ALDH5A1: variants seen among roughly 807,000 people sequenced by gnomAD.
ALDH5A1 encodes the protein succinate-semialdehyde dehydrogenase, mitochondrial.
In ALDH5A1, 33 loss-of-function variants were observed where a neutral mutation model predicts 54.7. The ratio of observed to expected loss-of-function variants is 0.60; its 90% CI spans 0.46 to 0.81. The LOEUF (loss-of-function observed/expected upper bound fraction) is 0.81, where lower values mean the gene tolerates loss of function less well. ALDH5A1 is among the 30% of genes least tolerant of loss of function. The pLI, the probability that ALDH5A1 is intolerant of heterozygous loss-of-function variation, is 0.00. For missense variants in ALDH5A1, 657 were observed against 711.0 expected (o/e 0.92, Z 0.86); for synonymous variants, 294 against 292.7 (o/e 1.00, Z -0.05).
Position 24,503,429 on chromosome 6 carries a change from C to G in ALDH5A1, c.605C>G (p.Thr202Ser). 3.1e-6 allele frequency: 5 copies of G among 1,612,184 alleles called. No individual in the cohort carries two copies. Among genetic ancestry groups the G allele is most frequent in the Non-Finnish European group, 3.4e-6 (4 of 1,179,890 alleles). ...CCCATAGGCGTGGCTGCAGTCATCA[C>G]CCCGGTAGGTGACAGGATCAGCAAG... The part of the protein sequence containing the change: ...KQPIGVAAVI[T>S]PWNFPSAMIT... Residue 202 changes from threonine to serine, a missense_variant, in exon 3 of 10, where the codon ACC (threonine) becomes AGC (serine). By Grantham distance (58) the Thr-to-Ser change is moderately conservative. Transcript: ENST00000357578.
In ALDH5A1 at chr6:24,508,196, C is replaced by T. The variant is rs1219527425; in HGVS notation, c.726+3211C>T. Among the ~76,000 whole-genome samples the T allele has an allele frequency of 1.3e-5, 2 of 151,632 alleles. 1 individual carries two copies. The highest frequency in any genetic ancestry group is 1.3e-4 in the Admixed American group (2 of 15,210). ...TGGCCAACATAGTGAAACCCCGTCT[C>T]TACTAAAAATACAAAAATTAGCTGG... On this transcript the variant is annotated intron_variant, in intron 4 of 9. Coordinates refer to ENST00000357578, the MANE Select transcript of ALDH5A1 (RefSeq NM_001080.3).
chr6:24,509,219 A>G lies in ALDH5A1; in HGVS notation c.726+4234A>G, dbSNP rs1017214667. On this transcript the variant is annotated intron_variant, in intron 4 of 9. Coordinates refer to ENST00000357578, the MANE Select transcript of ALDH5A1 (RefSeq NM_001080.3). The surrounding 1 kb of genome is among the most constrained non-coding windows in gnomAD (Gnocchi z 4.7). ...GCCAATGGCTAGAAGGGTTTTTCCA[A>G]TGTTATCTTCTAGAATTTTTATAGT... Among the ~76,000 whole-genome samples the G allele has an allele frequency of 6.6e-6, 1 of 152,158 alleles. No individual in the cohort carries two copies. The highest frequency in any genetic ancestry group is 2.4e-5 in the African/African-American group (1 of 41,430).
At chr6:24,523,323 TTAA>T (rs1210257935) in intron 7 of ALDH5A1, among the ~76,000 whole-genome samples, 2 of 149,388 alleles carry the variant, frequency 1.3e-5, no homozygotes, top group African/African-American at 4.9e-5. Context: ...AAGTAAAAAA[TTAA>T]TAATAGCTAA....
intron 8 of ALDH5A1, 96 bp from the exon 9 acceptor site, chr6:24,532,023 C>G (rs1759946162): frequency 4.4e-6 from 5 of 1,146,670 alleles, no homozygotes. Context: ...CTGATTTACT[C>G]CTTGTGATTA....
rs958955104 is a variant in ALDH5A1, at chr6:24,507,755, G to T, written c.726+2770G>T. On this transcript the variant is annotated intron_variant, in intron 4 of 9. Transcript: ENST00000357578. Reference sequence around the variant, plus strand: ...TTTTTAAAATTATCTTTTATTTCTGGGTGTAAAATGTCTGATTTTATTTTT... The same window carrying T: ...TTTTTAAAATTATCTTTTATTTCTGTGTGTAAAATGTCTGATTTTATTTTT... 4.0e-5 allele frequency among the ~76,000 whole-genome samples: 6 copies of T among 151,440 alleles called. No homozygotes were observed. The South Asian group carries it at 8.4e-4, about 21-fold the overall frequency.
intron 7 of ALDH5A1, among the ~76,000 whole-genome samples, chr6:24,523,773 C>A (rs1283929775): frequency 6.6e-6 from 1 of 152,096 alleles, no homozygotes; most frequent in Non-Finnish European, 1.5e-5. Context: ...ATGAAAGTAT[C>A]CCAGCCGGGG....
Position 24,522,478 on chromosome 6 carries a change from C to CGTGTGTGTGT in ALDH5A1, c.1015-272_1015-263dup, listed in dbSNP as rs5874989. On this transcript the variant is annotated intron_variant, in intron 6 of 9. Transcript: ENST00000357578. ...TGGGTGGCTTTTTTTTCTTTTCTTTCGTGTGTGTGTGTGTGTGTGTGTGTG... is the reference window on the plus strand; with the variant it reads ...TGGGTGGCTTTTTTTTCTTTTCTTTCGTGTGTGTGTGTGTGTGTGTGTGTGTGTGTGTGTG... Among the ~76,000 whole-genome samples the CGTGTGTGTGT allele has an allele frequency of 5.1e-3, 690 of 134,548 alleles. 9 individuals are homozygous for CGTGTGTGTGT. Among genetic ancestry groups the CGTGTGTGTGT allele is most frequent in the African/African-American group, 0.016 (619 of 37,932 alleles). The allele number at this position is 134,548 out of a possible 152,430, so 88.3% of individuals were successfully genotyped here. A position where few individuals can be genotyped will look rare whatever the true frequency, so the allele number is the denominator to read the frequency against.
chr6:24,521,569 T>C (rs972374042), intron 6 of ALDH5A1, among the ~76,000 whole-genome samples: 5 of 152,236 alleles, frequency 3.3e-5, no homozygotes, highest in African/African-American at 1.2e-4. Context: ...ATGTGTGATA[T>C]TCTCTATCAA....
Position 24,528,078 on chromosome 6 carries a change from T to G in ALDH5A1, c.1255T>G (p.Phe419Val), listed in dbSNP as rs1219635429. 1 of 1,614,042 alleles carries G rather than the reference T, an allele frequency of 6.2e-7. No homozygotes were observed. Among genetic ancestry groups the G allele is most frequent in the African/African-American group, 1.3e-5 (1 of 74,912 alleles). ...AAAACGACACCAACTTGGAAAAAATTTCTTTGAGCCTACCCTGCTGTGCAA... is the reference window on the plus strand; with the variant it reads ...AAAACGACACCAACTTGGAAAAAATGTCTTTGAGCCTACCCTGCTGTGCAA... ...GGKRHQLGKN[F>V]FEPTLLCNVT... is the part of the protein sequence containing the mutation. The change falls in exon 8 of 10, where the codon TTC (phenylalanine) becomes GTC (valine). Residue 419 changes from phenylalanine (F) to valine (V), a missense_variant. Phe to Val is a conservative substitution (Grantham distance 50). This residue lies in a region of ALDH5A1 where 425 missense variants were observed against 516.4 expected (regional missense o/e 0.82). Coordinates refer to ENST00000357578, the MANE Select transcript of ALDH5A1 (RefSeq NM_001080.3).
At chr6:24,496,912 C>T (rs539160567) in intron 1 of ALDH5A1, among the ~76,000 whole-genome samples, 1 of 152,092 alleles carries the variant, frequency 6.6e-6, no homozygotes, top group Non-Finnish European at 1.5e-5. Context: ...GTCAATTTTG[C>T]CAGGAGCACC....
At chr6:24,530,841 A>G (rs1023940051) in intron 8 of ALDH5A1, among the ~76,000 whole-genome samples, 1 of 152,208 alleles carries the variant, frequency 6.6e-6, no homozygotes, top group Non-Finnish European at 1.5e-5. Context: ...GCATTGATCC[A>G]GGGACCCAGG....
At chr6:24,521,470 A>G (rs1002910249) in intron 6 of ALDH5A1, among the ~76,000 whole-genome samples, 1 of 152,262 alleles carries the variant, frequency 6.6e-6, no homozygotes, top group Non-Finnish European at 1.5e-5. Flanking sequence ...TTAAGCATTC[A>G]TCTTAAAAGT....
chr6:24,515,339 A>T (rs765801290), intron 5 of ALDH5A1, 29 bp downstream of exon 5: 13 of 1,609,628 alleles, frequency 8.1e-6, no homozygotes, highest in Non-Finnish European at 1.1e-5. Context: ...AAAGAAAACA[A>T]ATGTCTTTCT....
At chr6:24,528,249 T>A in intron 8 of ALDH5A1, 83 bp downstream of exon 8, 4 of 1,546,338 alleles carry the variant, frequency 2.6e-6, no homozygotes, top group Non-Finnish European at 2.7e-6. Context: ...CTGGGCTGCT[T>A]TGAGGTCTGG....
intron 1 of ALDH5A1, among the ~76,000 whole-genome samples, chr6:24,500,364 C>G (rs893252617): frequency 2.0e-5 from 3 of 152,062 alleles, no homozygotes; most frequent in Admixed American, 6.6e-5. Flanking sequence ...GCCAGTGAGC[C>G]ACTATAATAG....
intron 4 of ALDH5A1, among the ~76,000 whole-genome samples, chr6:24,505,821 A>G (rs1219945333): frequency 6.6e-6 from 1 of 151,734 alleles, no homozygotes; most frequent in Non-Finnish European, 1.5e-5. Flanking sequence ...ATACAAAATT[A>G]GCTGGGCGTG....
intron 4 of ALDH5A1, among the ~76,000 whole-genome samples, chr6:24,513,571 CCT>C (rs1759502235): frequency 1.3e-5 from 2 of 152,208 alleles, no homozygotes; most frequent in Admixed American, 6.5e-5. Context: ...ATCCCCTTCC[CCT>C]GTTTTTATCA....
chr6:24,521,857 ATTTTTTTT>A (rs71542679), intron 6 of ALDH5A1, among the ~76,000 whole-genome samples: 95 of 98,216 alleles, frequency 9.7e-4, no homozygotes, highest in East Asian at 2.8e-3. Flanking sequence ...TGTCTCTACA[ATTTTTTTT>A]TTTTTTTTTT....
intron 7 of ALDH5A1, among the ~76,000 whole-genome samples, chr6:24,527,429 G>A (rs777235746): frequency 1.3e-4 from 20 of 151,990 alleles, no homozygotes; most frequent in Non-Finnish European, 5.9e-5. Context: ...AAAATTAGCC[G>A]GGCGCGGTGG....
Sources: allele counts gnomAD v4.1 joint callset (sites outside exome capture counted in the v4.1 genomes callset), GRCh38; gene constraint gnomAD v4.1.1; regional missense constraint gnomAD v4.1.1; non-coding constraint Gnocchi (gnomAD v3.1); transcripts MANE v1.5; gene names NCBI Gene and HGNC (gene_info 2026-07-23, HGNC 2026-07-21).